GTF3C2: variants seen among roughly 807,000 people sequenced by gnomAD.
GTF3C2 encodes general transcription factor IIIC subunit 2.
In GTF3C2, 17 loss-of-function variants were observed where a neutral mutation model predicts 117.4. The ratio of observed to expected loss-of-function variants is 0.14; its 90% CI spans 0.10 to 0.22. GTF3C2 has a LOEUF of 0.22. Among genes scored for constraint, GTF3C2 ranks in the 10% least tolerant of loss-of-function variants. The pLI is 1.00. For synonymous variants in GTF3C2, 437 were observed against 427.0 expected, an observed-to-expected ratio of 1.02 and a Z score of -0.29; for missense variants, 888 against 1,143.6, an observed-to-expected ratio of 0.78 and a Z score of 3.22.
chr2:27,328,957 C>A (rs186962604), intron 14 of GTF3C2, 26 bp from the exon 15 acceptor site: 1 of 1,529,450 alleles, frequency 6.5e-7, no homozygotes, highest in South Asian at 1.1e-5. Flanking sequence ...TAAATTTAAA[C>A]CTTCCTTTTC....
At chr2:27,328,314 T>G (rs570950242) in intron 16 of GTF3C2, 125 bp from the exon 17 acceptor site, 3 of 1,008,586 alleles carry the variant, frequency 3.0e-6, no homozygotes, top group Non-Finnish European at 3.0e-6. Flanking sequence ...TATGCTCAGA[T>G]GCAGTACGGT....
intron 1 of GTF3C2, among the ~76,000 whole-genome samples, chr2:27,346,273 C>G (rs929568210): frequency 1.3e-5 from 2 of 150,744 alleles, no homozygotes; most frequent in Non-Finnish European, 2.9e-5. Context: ...ATCTTTCCAC[C>G]TCGGTCTCCC....
Position 27,329,209 on chromosome 2 carries a change from T to G in GTF3C2, c.1951A>C (p.Asn651His). The G allele has an allele frequency of 6.2e-7, 1 of 1,614,152 alleles. No individual in the cohort carries two copies. The highest frequency in any genetic ancestry group is 8.5e-7 in the Non-Finnish European group (1 of 1,180,006). The change falls in exon 14 of 19, where the codon AAC becomes CAC. Residue 651 changes from asparagine to histidine, a missense_variant. Physicochemically the swap from Asn to His is moderately conservative, Grantham distance 68 (BLOSUM62 1). This residue lies in a region of GTF3C2 where 277 missense variants were observed against 445.4 expected (regional missense o/e 0.62). Transcript: ENST00000264720. The surrounding 1 kb of genome is among the most constrained non-coding windows in gnomAD (Gnocchi z 4.5). ...GTACTCAAGAAGCGCTTGATAGAGTTTATGGGTTCGTAAGGACGTCGAAGG... is the reference window on the plus strand; with the variant it reads ...GTACTCAAGAAGCGCTTGATAGAGTGTATGGGTTCGTAAGGACGTCGAAGG...
intron 1 of GTF3C2, among the ~76,000 whole-genome samples, chr2:27,344,457 T>C (rs2148315403): frequency 6.6e-6 from 1 of 152,256 alleles, no homozygotes; most frequent in East Asian, 1.9e-4. Context: ...ATTTAACCTC[T>C]GTCTCTGAAA....
intron 12 of GTF3C2, 68 bp downstream of exon 12, chr2:27,333,587 C>T (rs190907956): frequency 9.1e-7 from 1 of 1,104,124 alleles, no homozygotes; most frequent in South Asian, 1.4e-5. Flanking sequence ...AAGAAAGAAC[C>T]AAAAAACAAG....
rs765160690 is a variant in GTF3C2, at chr2:27,336,439, A to G, written c.1128-14T>C. 15 of 1,479,210 alleles carry G rather than the reference A, an allele frequency of 1.0e-5. No individual in the cohort carries two copies. In the South Asian group the frequency reaches 1.7e-4, roughly 17 times the overall value. 91.6% of individuals were successfully genotyped at this position (1,479,210 alleles called of 1,614,324 possible). On this transcript the variant is annotated splice_polypyrimidine_tract_variant and intron_variant, in intron 7 of 18. Coordinates refer to ENST00000264720, the Ensembl canonical transcript of GTF3C2. ...ATCGAGCTAAATCTAGAGAAAAATCAAAGATGGGATGAAGAAAGGAATTAA... is the reference window on the plus strand; with the variant it reads ...ATCGAGCTAAATCTAGAGAAAAATCGAAGATGGGATGAAGAAAGGAATTAA...
intron 10 of GTF3C2, 100 bp downstream of exon 10, chr2:27,335,498 A>G (rs1255256146): frequency 1.4e-5 from 10 of 738,104 alleles, no homozygotes; most frequent in Admixed American, 1.0e-4. Flanking sequence ...GCTTTGTGCT[A>G]AGAGAGACTG....
intron 4 of GTF3C2, among the ~76,000 whole-genome samples, chr2:27,339,265 G>T (rs1572573680): frequency 6.6e-6 from 1 of 151,636 alleles, no homozygotes; most frequent in African/African-American, 2.4e-5. Flanking sequence ...AAATTAGCTG[G>T]GTGTGGTGGT....
chr2:27,335,724 T>C lies in GTF3C2; in HGVS notation c.1468-18A>G. 2.1e-6 allele frequency: 3 copies of C among 1,452,280 alleles called. No homozygotes were observed. Among genetic ancestry groups the C allele is most frequent in the Non-Finnish European group, 2.8e-6 (3 of 1,055,280 alleles). The allele number at this position is 1,452,280 out of a possible 1,614,324, so 90.0% of individuals were successfully genotyped here. A position where few individuals can be genotyped will look rare whatever the true frequency, so the allele number is the denominator to read the frequency against. On this transcript the variant is annotated intron_variant, in intron 9 of 18. Coordinates refer to ENST00000264720, the Ensembl canonical transcript of GTF3C2. Reference sequence around the variant, plus strand: ...AGAGGAGCCTAAAGGGTAAAAGGTATGCTGAGGCTTGCTGCCTTCAGCTGA... The same window carrying C: ...AGAGGAGCCTAAAGGGTAAAAGGTACGCTGAGGCTTGCTGCCTTCAGCTGA...
chr2:27,335,293 C>T (rs1311720158), intron 10 of GTF3C2: 1 of 535,932 alleles, frequency 1.9e-6, no homozygotes, highest in Admixed American at 2.3e-5. Context: ...TCTATCAGCC[C>T]AAGCCCTCAG....
At chr2:27,349,698 G>T (rs1681057566) in intron 1 of GTF3C2, among the ~76,000 whole-genome samples, 1 of 151,854 alleles carries the variant, frequency 6.6e-6, no homozygotes, top group Non-Finnish European at 1.5e-5. Flanking sequence ...GAATGCAGTG[G>T]CGTGATCTCG....
At chr2:27,355,776 T>A (rs912702920) in intron 1 of GTF3C2, among the ~76,000 whole-genome samples, 2 of 152,172 alleles carry the variant, frequency 1.3e-5, no homozygotes, top group African/African-American at 4.8e-5. Context: ...CTTAATATAT[T>A]GTTTCCTAAA....
At chr2:27,336,065 A>G in intron 8 of GTF3C2, 37 bp from the exon 9 acceptor site, 1 of 1,473,834 alleles carries the variant, frequency 6.8e-7, no homozygotes, top group Non-Finnish European at 9.5e-7. Flanking sequence ...GTGGGTAGGA[A>G]GAAGGGACGC....
chr2:27,350,994 C>T (rs1011473337), intron 1 of GTF3C2, among the ~76,000 whole-genome samples: 2 of 150,746 alleles, frequency 1.3e-5, no homozygotes, highest in African/African-American at 2.4e-5. Flanking sequence ...CATGCAACTG[C>T]AGTCTTAGCT....
exon 3 of GTF3C2, chr2:27,342,999 G>C: frequency 1.9e-6 from 3 of 1,614,196 alleles, no homozygotes; most frequent in Non-Finnish European, 1.7e-6. Flanking sequence ...ACAGAGGGTT[G>C]GATTGATCTA....
chr2:27,326,961 AT>A, intron 18 of GTF3C2, 68 bp from the exon 19 acceptor site: 4 of 950,430 alleles, frequency 4.2e-6, no homozygotes, highest in Middle Eastern at 2.2e-4. Context: ...TCCTAGCTGT[AT>A]GAACAAAAAA....
intron 12 of GTF3C2, among the ~76,000 whole-genome samples, chr2:27,332,191 GCTAGTT>G (rs1680294951): frequency 6.6e-6 from 1 of 151,890 alleles, no homozygotes; most frequent in Non-Finnish European, 1.5e-5. Flanking sequence ...TAGTTAGTTA[GCTAGTT>G]AGTTAAAGAT....
At chr2:27,341,744 T>C in intron 4 of GTF3C2, 1 of 576,936 alleles carries the variant, frequency 1.7e-6, no homozygotes, top group Non-Finnish European at 3.1e-6. Context: ...ATACTCAATA[T>C]ATGAATGAAT....
exon 19 of GTF3C2, chr2:27,326,807 T>C (rs1442895448): frequency 6.2e-7 from 1 of 1,612,176 alleles, no homozygotes; most frequent in South Asian, 1.1e-5. Context: ...GGGAGGCGAG[T>C]CCACGGACAA....
Sources: gnomAD v4.1 joint callset for allele counts (sites outside exome capture counted in the v4.1 genomes callset) on GRCh38, gnomAD v4.1.1 for gene constraint, gnomAD v4.1.1 regional missense constraint, Gnocchi (gnomAD v3.1) non-coding constraint, MANE v1.5 for transcripts, NCBI Gene and HGNC (gene_info 2026-07-23, HGNC 2026-07-21) for gene names.